Variants in UBTD1 observed in about 807,000 individuals in gnomAD.
The protein encoded by UBTD1 is ubiquitin domain containing 1, also known as ubiquitin domain-containing protein 1.
A neutral mutation model predicts 21.7 loss-of-function variants in UBTD1; 19 were observed. The observed-to-expected ratio is 0.87, with a 90% CI of 0.61 to 1.28. The LOEUF is 1.28. UBTD1 is among the 50% of genes most tolerant of loss of function. The pLI, the probability that UBTD1 is intolerant of heterozygous loss-of-function variation, is 0.00. For missense variants in UBTD1, 282 were observed against 315.1 expected, an observed-to-expected ratio of 0.89 and a Z score of 0.80; for synonymous variants, 116 against 135.1, an observed-to-expected ratio of 0.86 and a Z score of 0.98.
At chr10:97,509,792 A>G (rs965432619) in intron 1 of UBTD1, among the ~76,000 whole-genome samples, 5 of 151,802 alleles carry the variant, frequency 3.3e-5, no homozygotes, top group African/African-American at 1.2e-4. Context: ...CTGGGATTAT[A>G]GGCGTACACC....
At chr10:97,564,278 C>A (rs1382785000) in intron 1 of UBTD1, among the ~76,000 whole-genome samples, 2 of 152,116 alleles carry the variant, frequency 1.3e-5, no homozygotes, top group African/African-American at 4.8e-5. Context: ...TGGGGCCGAG[C>A]AAGAAAGTGC....
At position 97,521,280 on chromosome 10, in the gene UBTD1, G is replaced by T. The variant is rs560004669; in HGVS notation, c.70+22007G>T. On this transcript the variant is annotated intron_variant, in intron 1 of 2. Transcript: ENST00000370664. ...TGCTGGGTGGGCAGCTCCCTGGCTG[G>T]TGGAGGGCACGCTTGAGGAAGTGGC... Among the ~76,000 whole-genome samples the T allele has an allele frequency of 2.0e-4, 30 of 152,362 alleles. 1 individual carries two copies. The highest frequency in any genetic ancestry group is 1.8e-3 in the Admixed American group (27 of 15,310).
chr10:97,529,774 G>A (rs539568143), intron 1 of UBTD1, among the ~76,000 whole-genome samples: 63 of 152,094 alleles, frequency 4.1e-4, no homozygotes, highest in African/African-American at 1.4e-3. Flanking sequence ...GAGGGAGACC[G>A]TGGGGAGAGG....
At chr10:97,559,274 G>A (rs554030076) in intron 1 of UBTD1, among the ~76,000 whole-genome samples, 16 of 152,334 alleles carry the variant, frequency 1.1e-4, no homozygotes, top group South Asian at 2.1e-4. Flanking sequence ...ACGCCTGGTC[G>A]ACTGGAGGAC....
chr10:97,563,288 T>C (rs2040701720), intron 1 of UBTD1, among the ~76,000 whole-genome samples: 1 of 152,250 alleles, frequency 6.6e-6, no homozygotes, highest in Non-Finnish European at 1.5e-5. Flanking sequence ...TTGAGTTTTT[T>C]ATGTTGTCAT....
intron 1 of UBTD1, among the ~76,000 whole-genome samples, chr10:97,553,565 G>A (rs2135681942): frequency 6.6e-6 from 1 of 152,224 alleles, no homozygotes; most frequent in East Asian, 1.9e-4. Context: ...GGCTGCAAAT[G>A]TTTGGGCATG....
chr10:97,544,308 A>G (rs1211444191), intron 1 of UBTD1, among the ~76,000 whole-genome samples: 1 of 142,654 alleles, frequency 7.0e-6, no homozygotes, highest in African/African-American at 2.5e-5. Flanking sequence ...AAAAAAAGGA[A>G]TCTGGAGAAA....
rs535867902 is a variant in UBTD1 at position 97,519,301 on chromosome 10, T to C, written c.70+20028T>C. ...TTGGAGTCCCCCTACCAGCATCCCATTTTATAGTCTTCCGTAAAGCTTTAA... is the reference window on the plus strand; with the variant it reads ...TTGGAGTCCCCCTACCAGCATCCCACTTTATAGTCTTCCGTAAAGCTTTAA... On this transcript the variant is annotated intron_variant, in intron 1 of 2. Transcript: ENST00000370664. Among the ~76,000 whole-genome samples, 19 of 152,330 alleles carry C rather than the reference T, an allele frequency of 1.2e-4. 1 individual carries two copies. The South Asian group carries it at 3.9e-3, about 32-fold the overall frequency.
chr10:97,515,436 C>A (rs1348980429), intron 1 of UBTD1, among the ~76,000 whole-genome samples: 1 of 152,152 alleles, frequency 6.6e-6, no homozygotes, highest in Non-Finnish European at 1.5e-5. Context: ...AGCAGAGAAG[C>A]GCAAGGGAGA....
chr10:97,534,400 A>C (rs149351397), intron 1 of UBTD1, among the ~76,000 whole-genome samples: 218 of 152,292 alleles, frequency 1.4e-3, no homozygotes, highest in African/African-American at 5.1e-3. Context: ...GATCCAAGGC[A>C]GCTAGAAACA....
intron 1 of UBTD1, among the ~76,000 whole-genome samples, chr10:97,541,571 C>T (rs1322679193): frequency 6.6e-6 from 1 of 152,088 alleles, no homozygotes; most frequent in East Asian, 1.9e-4. Flanking sequence ...ACTGTGTGCT[C>T]CACACAGCAC....
rs534776726 is a variant in UBTD1, at chr10:97,503,086, T to C, written c.70+3813T>C. ...TGTGCACCACCACGCCCAGCTAACTTTTTATTTTTTGTAGAGATGGGGTCT... is the reference window on the plus strand; with the variant it reads ...TGTGCACCACCACGCCCAGCTAACTCTTTATTTTTTGTAGAGATGGGGTCT... On this transcript the variant is annotated intron_variant, in intron 1 of 2. Transcript: ENST00000370664. 3.3e-5 allele frequency among the ~76,000 whole-genome samples: 5 copies of C among 152,060 alleles called. No individual in the cohort carries two copies. In the South Asian group the frequency reaches 1.0e-3, roughly 32 times the overall value.
chr10:97,567,342 C>T (rs796515773), intron 1 of UBTD1, among the ~76,000 whole-genome samples: 3 of 147,506 alleles, frequency 2.0e-5, no homozygotes, highest in African/African-American at 7.4e-5. Context: ...GCTGGGATTA[C>T]AGGCGTGAGC....
intron 1 of UBTD1, among the ~76,000 whole-genome samples, chr10:97,518,150 G>A (rs1270980557): frequency 6.6e-6 from 1 of 152,200 alleles, no homozygotes; most frequent in East Asian, 1.9e-4. Context: ...CTAGGGAAGA[G>A]GACCCAGATG....
At chr10:97,512,748 G>T (rs1246915209) in intron 1 of UBTD1, among the ~76,000 whole-genome samples, 1 of 152,220 alleles carries the variant, frequency 6.6e-6, no homozygotes, top group Non-Finnish European at 1.5e-5. Context: ...GCACCAAGCA[G>T]TTTTTCTGCA....
rs532760327 is a variant in UBTD1 at position 97,550,836 on chromosome 10, C to T, written c.71-17078C>T. ...TCTGTCTCCCACTCTCCTTTCGGTG[C>T]CCTCCCTTGGGGTGATATCACCAGA... On this transcript the variant is annotated intron_variant, in intron 1 of 2. Transcript: ENST00000370664. Among the ~76,000 whole-genome samples the T allele has an allele frequency of 2.0e-4, 31 of 152,300 alleles. No individual in the cohort carries two copies. The South Asian group carries it at 6.4e-3, about 32-fold the overall frequency.
intron 1 of UBTD1, among the ~76,000 whole-genome samples, chr10:97,529,213 G>A (rs1202417354): frequency 2.6e-5 from 4 of 151,732 alleles, no homozygotes; most frequent in Middle Eastern, 3.2e-3. Flanking sequence ...GATGGCGGCC[G>A]GGAAGAGGCG....
chr10:97,534,589 A>ACG (rs1184914271), intron 1 of UBTD1, among the ~76,000 whole-genome samples: 1 of 149,050 alleles, frequency 6.7e-6, no homozygotes, highest in Admixed American at 6.7e-5. Context: ...GCACACACAC[A>ACG]CACACACACA....
Position 97,568,215 on chromosome 10 carries a change from A to C in UBTD1, c.298+74A>C, listed in dbSNP as rs2040727606. 2.0e-6 allele frequency: 3 copies of C among 1,529,012 alleles called. No homozygotes were observed. In the East Asian group the frequency reaches 6.8e-5, roughly 35 times the overall value. The allele number at this position is 1,529,012 out of a possible 1,614,324, so 94.7% of individuals were successfully genotyped here. A position where few individuals can be genotyped will look rare whatever the true frequency, so the allele number is the denominator to read the frequency against. On this transcript the variant is annotated intron_variant, in intron 2 of 2. Transcript: ENST00000370664. ...CCAGCACAGTTTGAGGGTGTTGAGGAGTGTGGAGCGGTGGGGCAGGTGGTT... is the reference window on the plus strand; with the variant it reads ...CCAGCACAGTTTGAGGGTGTTGAGGCGTGTGGAGCGGTGGGGCAGGTGGTT...
Sources: gnomAD v4.1 joint callset for allele counts (sites outside exome capture counted in the v4.1 genomes callset) on GRCh38, gnomAD v4.1.1 for gene constraint, MANE v1.5 for transcripts, NCBI Gene and HGNC (gene_info 2026-07-23, HGNC 2026-07-21) for gene names.